The following DCAF5 variants were observed in gnomAD, a reference collection of about 807,000 sequenced individuals.
The protein encoded by DCAF5 is DDB1 and CUL4 associated factor 5.
DCAF5 carries 9 observed loss-of-function variants against 80.7 expected under a neutral mutation model. The observed-to-expected ratio is 0.11, with a 90% CI of 0.07 to 0.19. The LOEUF (loss-of-function observed/expected upper bound fraction) is 0.19, where lower values mean the gene tolerates loss of function less well. Among genes scored for constraint, DCAF5 ranks in the 10% least tolerant of loss-of-function variants. The probability of loss-of-function intolerance (pLI) is 1.00; values close to 1 mark genes in which losing one functional copy is unlikely to be tolerated. For missense variants in DCAF5, 842 were observed against 1,205.7 expected, an observed-to-expected ratio of 0.70 and a Z score of 4.47; for synonymous variants, 433 against 461.9, an observed-to-expected ratio of 0.94 and a Z score of 0.80.
intron 7 of DCAF5, among the ~76,000 whole-genome samples, chr14:69,064,238 T>C (rs1453653645): frequency 1.3e-5 from 2 of 152,198 alleles, no homozygotes; most frequent in South Asian, 2.1e-4. Context: ...CCCAAAAAGT[T>C]CCTTTGGGTC....
intron 1 of DCAF5, 25 bp from the exon 2 acceptor site, chr14:69,122,385 G>A: frequency 6.3e-7 from 1 of 1,592,188 alleles, no homozygotes; most frequent in Non-Finnish European, 8.6e-7. Flanking sequence ...AAGAATCTGT[G>A]CTTAAAACAG....
At chr14:69,102,696 C>T (rs1177567229) in intron 5 of DCAF5, among the ~76,000 whole-genome samples, 2 of 151,860 alleles carry the variant, frequency 1.3e-5, no homozygotes, top group African/African-American at 2.4e-5. Context: ...CTACTAACAT[C>T]TTCAGGGTCG....
chr14:69,079,881 G>A (rs921823212), intron 6 of DCAF5, among the ~76,000 whole-genome samples: 3 of 152,136 alleles, frequency 2.0e-5, no homozygotes, highest in Admixed American at 2.0e-4. Context: ...AAATATTACA[G>A]AGGAAAATTA....
In DCAF5 at chr14:69,083,667, C is replaced by T. The variant is rs186684513; in HGVS notation, c.879+8007G>A. On this transcript the variant is annotated intron_variant, in intron 6 of 8. Coordinates refer to ENST00000341516, the MANE Select transcript of DCAF5 (RefSeq NM_003861.3). ...TTAAAAAATCTCCCCAGAAATCCACCGTATTAACCAATGGAGAAGCAGCAA... is the reference window on the plus strand; with the variant it reads ...TTAAAAAATCTCCCCAGAAATCCACTGTATTAACCAATGGAGAAGCAGCAA... 650 of 601,510 alleles carry T rather than the reference C, an allele frequency of 1.1e-3. 2 individuals are homozygous for T. The highest frequency in any genetic ancestry group is 1.5e-3 in the Non-Finnish European group (477 of 323,802). 37.3% of individuals were successfully genotyped at this position (601,510 alleles called of 1,614,324 possible). A position where few individuals can be genotyped will look rare whatever the true frequency, so the allele number is the denominator to read the frequency against.
intron 1 of DCAF5, among the ~76,000 whole-genome samples, chr14:69,137,495 T>C (rs2041230689): frequency 6.6e-6 from 1 of 152,194 alleles, no homozygotes; most frequent in Non-Finnish European, 1.5e-5. Flanking sequence ...TTTTGCAAAA[T>C]TCCTTGTATA....
Position 69,153,025 on chromosome 14 carries a change from C to T in DCAF5, c.-47G>A. ...GCTCGCGCCGCCGCCCCTCCCTCGG[C>T]CTCACGCGCGGCCGCTGCTCCCCCC... On this transcript the variant is annotated 5_prime_UTR_variant, in exon 1 of 9. Coordinates refer to ENST00000341516, the MANE Select transcript of DCAF5 (RefSeq NM_003861.3). 1 of 1,431,658 alleles carries T rather than the reference C, an allele frequency of 7.0e-7. No homozygotes were observed. Among genetic ancestry groups the T allele is most frequent in the Non-Finnish European group, 9.2e-7 (1 of 1,092,872 alleles). The allele number at this position is 1,431,658 out of a possible 1,614,324, so 88.7% of individuals were successfully genotyped here. A position where few individuals can be genotyped will look rare whatever the true frequency, so the allele number is the denominator to read the frequency against.
intron 5 of DCAF5, among the ~76,000 whole-genome samples, chr14:69,102,588 A>AG (rs2039995731): frequency 2.5e-5 from 3 of 117,712 alleles, no homozygotes; most frequent in South Asian, 6.2e-4. Flanking sequence ...TGTTAAAAAC[A>AG]AAGACACACA....
chr14:69,063,783 C>A (rs181287403), intron 7 of DCAF5, among the ~76,000 whole-genome samples: 146 of 152,288 alleles, frequency 9.6e-4, no homozygotes, highest in Non-Finnish European at 1.7e-3. Context: ...CTCCTTATTG[C>A]CACGTACATA....
In DCAF5 at chr14:69,144,293, C is replaced by A. The variant is rs150994229; in HGVS notation, c.214+8472G>T. Among the ~76,000 whole-genome samples the A allele has an allele frequency of 6.0e-3, 915 of 151,646 alleles. 23 individuals are homozygous for A. The highest frequency in any genetic ancestry group is 0.047 in the Admixed American group (715 of 15,252). ...TTATTAAGATTAAAGGGGCACAAGG[C>A]CAGGCGCGGTGGCTCACGCCTGTAA... is the stretch of plus-strand genomic sequence containing the variant. On this transcript the variant is annotated intron_variant, in intron 1 of 8. Coordinates refer to ENST00000341516, the MANE Select transcript of DCAF5 (RefSeq NM_003861.3).
chr14:69,103,879 A>G (rs2040045901), intron 5 of DCAF5, among the ~76,000 whole-genome samples: 1 of 152,178 alleles, frequency 6.6e-6, no homozygotes, highest in African/African-American at 2.4e-5. Flanking sequence ...TTCTTTTGAG[A>G]TTGGCTTTTT....
intron 5 of DCAF5, among the ~76,000 whole-genome samples, chr14:69,103,028 G>A (rs1202515848): frequency 6.6e-6 from 1 of 152,182 alleles, no homozygotes; most frequent in Non-Finnish European, 1.5e-5. Context: ...CCAGGTGACA[G>A]GAATTTTTCA....
intron 1 of DCAF5, among the ~76,000 whole-genome samples, chr14:69,148,393 T>C (rs1374599441): frequency 6.6e-6 from 1 of 152,140 alleles, no homozygotes; most frequent in Non-Finnish European, 1.5e-5. Flanking sequence ...TAAGCTAGTC[T>C]TTATAAAAAG....
intron 7 of DCAF5, among the ~76,000 whole-genome samples, chr14:69,071,368 A>G (rs1168610710): frequency 1.3e-5 from 2 of 152,310 alleles, no homozygotes; most frequent in East Asian, 3.9e-4. Context: ...AAGAAAAAGA[A>G]GGCCTTGACT....
chr14:69,074,987 T>C (rs1388768025), intron 7 of DCAF5, among the ~76,000 whole-genome samples: 1 of 149,752 alleles, frequency 6.7e-6, no homozygotes, highest in Non-Finnish European at 1.5e-5. Flanking sequence ...TGAGCCAAGA[T>C]CACACCAGTG....
chr14:69,075,247 T>A, intron 7 of DCAF5, 98 bp downstream of exon 7: 1 of 805,856 alleles, frequency 1.2e-6, no homozygotes, highest in South Asian at 2.4e-5. Flanking sequence ...TTAGAAATGT[T>A]GTCCTCTACT....
At chr14:69,113,023 A>AT (rs372508205) in intron 5 of DCAF5, among the ~76,000 whole-genome samples, 7 of 149,734 alleles carry the variant, frequency 4.7e-5, no homozygotes, top group East Asian at 2.0e-4. Context: ...TAGAGCTGAC[A>AT]TTTTTTTTTT....
chr14:69,109,686 G>T (rs2040287696), intron 5 of DCAF5, among the ~76,000 whole-genome samples: 1 of 152,136 alleles, frequency 6.6e-6, no homozygotes, highest in South Asian at 2.1e-4. Context: ...TCTATTGTAT[G>T]GCTATTCCAC....
rs1291966378 is a variant in DCAF5 at position 69,110,933 on chromosome 14, A to T, written c.665+5433T>A. 3.4e-5 allele frequency among the ~76,000 whole-genome samples: 5 copies of T among 148,750 alleles called. No individual in the cohort carries two copies. In the East Asian group the frequency reaches 1.0e-3, roughly 30 times the overall value. ...GGTGTCTGCTGTGTAAAAGTTCTTAATTTTAATGAAATCCAATGTGTCAAT... is the reference window on the plus strand; with the variant it reads ...GGTGTCTGCTGTGTAAAAGTTCTTATTTTTAATGAAATCCAATGTGTCAAT... On this transcript the variant is annotated intron_variant, in intron 5 of 8. Transcript: ENST00000341516.
intron 5 of DCAF5, among the ~76,000 whole-genome samples, chr14:69,115,948 T>C (rs1055637176): frequency 2.0e-5 from 3 of 152,120 alleles, no homozygotes; most frequent in Non-Finnish European, 4.4e-5. Context: ...AGGGATCCCC[T>C]CCAACCTAGG....
Sources: allele counts gnomAD v4.1 joint callset (sites outside exome capture counted in the v4.1 genomes callset), GRCh38; gene constraint gnomAD v4.1.1; transcripts MANE v1.5; gene names NCBI Gene and HGNC (gene_info 2026-07-23, HGNC 2026-07-21).